The following ZC3H6 variants were observed in gnomAD, a reference collection of about 807,000 sequenced individuals.
The protein encoded by ZC3H6 is zinc finger CCCH domain-containing protein 6.
In ZC3H6, 40 loss-of-function variants were observed where a neutral mutation model predicts 107.7. That is an observed-to-expected ratio of 0.37 (90% CI 0.29 to 0.48). ZC3H6 has a LOEUF of 0.48. ZC3H6 is among the 20% of genes least tolerant of loss of function. The pLI, the probability that ZC3H6 is intolerant of heterozygous loss-of-function variation, is 0.98. For missense variants in ZC3H6, 1,267 were observed against 1,410.4 expected, an observed-to-expected ratio of 0.90 and a Z score of 1.63; for synonymous variants, 493 against 487.9, an observed-to-expected ratio of 1.01 and a Z score of -0.14.
In ZC3H6 at chr2:112,321,789, CA is replaced by C; in HGVS notation, c.1014del (p.Lys338AsnfsTer15). On this transcript the variant is annotated frameshift_variant, in exon 8 of 12. Coordinates refer to ENST00000409871, the MANE Select transcript of ZC3H6 (RefSeq NM_198581.3). LOFTEE classifies it high-confidence loss of function. ...CCATGCAAGTTCTATCATAGTGGAG[CA>C]AAATGTTACCAGGGAGACAACTGTA... ...EFPCKFYHSG[A>X]KCYQGDNCKF... 1 of 1,546,038 alleles carries C rather than the reference CA, an allele frequency of 6.5e-7. No individual in the cohort carries two copies. The highest frequency in any genetic ancestry group is 8.7e-7 in the Non-Finnish European group (1 of 1,144,676).
At chr2:112,316,310 G>A (rs1008596398) in intron 5 of ZC3H6, among the ~76,000 whole-genome samples, 160 bp from the exon 6 acceptor site, 3 of 152,072 alleles carry the variant, frequency 2.0e-5, no homozygotes, top group Admixed American at 1.3e-4. Context: ...TAGATTACTA[G>A]ACACATATCT....
rs550860741 is a variant in ZC3H6, at chr2:112,290,912, T to A, written c.33-8937T>A. Among the ~76,000 whole-genome samples the A allele has an allele frequency of 3.8e-4, 58 of 152,226 alleles. No homozygotes were observed. In the South Asian group the frequency reaches 0.012, roughly 31 times the overall value. On this transcript the variant is annotated intron_variant, in intron 1 of 11. Coordinates refer to ENST00000409871, the MANE Select transcript of ZC3H6 (RefSeq NM_198581.3). ...ATTGTATGGACACTCTTGAGGACAGTGTCTGCCATATCAAGTACTATCCAT... is the reference window on the plus strand; with the variant it reads ...ATTGTATGGACACTCTTGAGGACAGAGTCTGCCATATCAAGTACTATCCAT...
At chr2:112,312,792 G>A (rs990858329) in intron 5 of ZC3H6, among the ~76,000 whole-genome samples, 4 of 151,736 alleles carry the variant, frequency 2.6e-5, no homozygotes, top group Admixed American at 6.6e-5. Context: ...CCCAGGAGGC[G>A]GAGGTTGCAG....
At chr2:112,296,671 T>A (rs754053628) in intron 1 of ZC3H6, among the ~76,000 whole-genome samples, 4 of 152,150 alleles carry the variant, frequency 2.6e-5, no homozygotes, top group African/African-American at 4.8e-5. Flanking sequence ...CTGGGGAAAA[T>A]TCCAGTGACT....
intron 4 of ZC3H6, among the ~76,000 whole-genome samples, chr2:112,310,867 A>C (rs1676580098): frequency 1.3e-5 from 2 of 152,220 alleles, no homozygotes; most frequent in South Asian, 4.1e-4. Flanking sequence ...AGTTATGAGT[A>C]AATTTGGTTA....
chr2:112,334,784 T>C lies in ZC3H6; in HGVS notation c.*2296T>C, dbSNP rs1410970816. 6.6e-6 allele frequency: 1 copy of C among 152,628 alleles called. No individual in the cohort carries two copies. The highest frequency in any genetic ancestry group is 1.9e-4 in the East Asian group (1 of 5,202). The allele number at this position is 152,628 out of a possible 1,614,324, so 9.5% of individuals were successfully genotyped here. A position where few individuals can be genotyped will look rare whatever the true frequency, so the allele number is the denominator to read the frequency against. On this transcript the variant is annotated 3_prime_UTR_variant, in exon 12 of 12. Coordinates refer to ENST00000409871, the MANE Select transcript of ZC3H6 (RefSeq NM_198581.3). ...TTTCTTCTTTTTTCCCATTTTCTCA[T>C]ACAAATTGAATAAGTAGCCATTTTC...
chr2:112,314,777 T>C (rs1204684598), intron 5 of ZC3H6, among the ~76,000 whole-genome samples: 1 of 152,214 alleles, frequency 6.6e-6, no homozygotes, highest in Non-Finnish European at 1.5e-5. Context: ...TGTTTGTGAA[T>C]CAAATTTATA....
rs753013069 is a variant in ZC3H6 at position 112,331,345 on chromosome 2, T to C, written c.2427T>C (p.His809=). Residue 809 remains histidine (H), a synonymous_variant, in exon 12 of 12, where the codon CAT becomes CAC. Coordinates refer to ENST00000409871, the MANE Select transcript of ZC3H6 (RefSeq NM_198581.3). ...SVGGAKFDLH[H]ANAGTNVKHK... is the part of the protein sequence containing the mutation. ...GTGGAGCAAAGTTTGATTTGCATCA[T>C]GCAAATGCTGGCACTAATGTCAAAC... 1 of 1,613,770 alleles carries C rather than the reference T, an allele frequency of 6.2e-7. No individual in the cohort carries two copies. Among genetic ancestry groups the C allele is most frequent in the Admixed American group, 1.7e-5 (1 of 60,028 alleles).
intron 1 of ZC3H6, among the ~76,000 whole-genome samples, chr2:112,287,879 G>A (rs549843032): frequency 5.9e-4 from 90 of 152,256 alleles, no homozygotes; most frequent in Non-Finnish European, 8.2e-4. Context: ...TGGGATTACA[G>A]GCGTGAGCCA....
chr2:112,317,198 C>CTTTTTTTTTTTTTTTTTTTTTTTTTTTT, intron 6 of ZC3H6, 23 bp from the exon 7 acceptor site: 1 of 1,027,106 alleles, frequency 9.7e-7, no homozygotes, highest in Non-Finnish European at 1.3e-6. Flanking sequence ...TTTCTTTTTT[C>CTTTTTTTTTTTTTTTTTTTTTTTTTTTT]TTTTTTTTTT....
At position 112,290,816 on chromosome 2, in the gene ZC3H6, C is replaced by T. The variant is rs543023373; in HGVS notation, c.33-9033C>T. Among the ~76,000 whole-genome samples the T allele has an allele frequency of 5.9e-5, 9 of 152,272 alleles. No homozygotes were observed. In the South Asian group the frequency reaches 1.9e-3, roughly 32 times the overall value. On this transcript the variant is annotated intron_variant, in intron 1 of 11. Coordinates refer to ENST00000409871, the MANE Select transcript of ZC3H6 (RefSeq NM_198581.3). ...TTGTTCCTTTACATAATTGTTTTTT[C>T]TTAATTGAACTTTGGTAGTGTGCCC...
intron 3 of ZC3H6, among the ~76,000 whole-genome samples, chr2:112,306,174 CTTT>C (rs35102517): frequency 4.4e-5 from 6 of 136,866 alleles, no homozygotes; most frequent in African/African-American, 8.3e-5. Flanking sequence ...GTCTGTATTT[CTTT>C]TTTTTTTTTT....
intron 1 of ZC3H6, among the ~76,000 whole-genome samples, chr2:112,293,565 G>C (rs897469905): frequency 6.6e-5 from 10 of 152,218 alleles, no homozygotes; most frequent in Admixed American, 2.0e-4. Context: ...GCCAAGTTTT[G>C]AGATAAACAG....
rs184839343 is a variant in ZC3H6 at position 112,322,326 on chromosome 2, C to T, written c.1087-323C>T. ...CTCCACACCCTGCTCCTTGCCAACC[C>T]CCTGCCCTGCACCGCCCCCCACCCC... On this transcript the variant is annotated intron_variant, in intron 8 of 11. Coordinates refer to ENST00000409871, the MANE Select transcript of ZC3H6 (RefSeq NM_198581.3). 8.9e-4 allele frequency among the ~76,000 whole-genome samples: 135 copies of T among 151,938 alleles called. 1 individual carries two copies. The highest frequency in any genetic ancestry group is 3.0e-3 in the African/African-American group (126 of 41,418).
rs1435999467 is a variant in ZC3H6, at chr2:112,324,981, G to A, written c.1870G>A (p.Glu624Lys). The A allele has an allele frequency of 3.1e-6, 5 of 1,605,960 alleles. No individual in the cohort carries two copies. The highest frequency in any genetic ancestry group is 1.3e-5 in the African/African-American group (1 of 74,926). Residue 624 changes from glutamate to lysine, a missense_variant, in exon 11 of 12, where the codon GAA becomes AAA. Coordinates refer to ENST00000409871, the MANE Select transcript of ZC3H6 (RefSeq NM_198581.3). ...ACATGTAGATGGGATGTGGCATGGT[G>A]AATTTGCCCAGCAGCAGCCTCCTGT... ...NNSGDGMWHG[E>K]FAQQQPPVVQ...
chr2:112,290,558 G>A (rs1676093334), intron 1 of ZC3H6, among the ~76,000 whole-genome samples: 1 of 152,186 alleles, frequency 6.6e-6, no homozygotes, highest in African/African-American at 2.4e-5. Context: ...AAAACTTCAT[G>A]AGAGAAGAAA....
At chr2:112,289,316 CTTTTTCTTTTTTTTTT>C (rs1276435994) in intron 1 of ZC3H6, among the ~76,000 whole-genome samples, 1 of 132,260 alleles carries the variant, frequency 7.6e-6, no homozygotes, top group Non-Finnish European at 1.6e-5. Flanking sequence ...CTTTTTTTTT[CTTTTTCTTTTTTTTTT>C]TTTTTTTGAG....
intron 5 of ZC3H6, among the ~76,000 whole-genome samples, chr2:112,316,224 T>C (rs1177378875): frequency 1.3e-5 from 2 of 151,724 alleles, no homozygotes; most frequent in African/African-American, 4.9e-5. Flanking sequence ...CTTTTTATAA[T>C]TTTATTTAAA....
intron 1 of ZC3H6, among the ~76,000 whole-genome samples, chr2:112,289,316 C>CT (rs1558946707): frequency 2.3e-5 from 3 of 132,246 alleles, no homozygotes; most frequent in Non-Finnish European, 3.3e-5. Flanking sequence ...CTTTTTTTTT[C>CT]TTTTTCTTTT....
Sources: gnomAD v4.1 joint callset for allele counts (sites outside exome capture counted in the v4.1 genomes callset) on GRCh38, gnomAD v4.1.1 for gene constraint, MANE v1.5 for transcripts, NCBI Gene and HGNC (gene_info 2026-07-23, HGNC 2026-07-21) for gene names.